Variants in SGCZ observed in about 807,000 individuals in gnomAD.
The protein encoded by SGCZ is sarcoglycan zeta.
SGCZ carries 40 observed loss-of-function variants against 41.3 expected under a neutral mutation model. The ratio of observed to expected loss-of-function variants is 0.97; its 90% CI spans 0.75 to 1.26. The LOEUF is 1.26. Ranked by LOEUF, SGCZ falls within the 50% of genes most tolerant of loss-of-function variation. The pLI, the probability that SGCZ is intolerant of heterozygous loss-of-function variation, is 0.00. For missense variants in SGCZ, 552 were observed against 369.8 expected (o/e 1.49, Z -4.04); for synonymous variants, 206 against 137.5 (o/e 1.50, Z -3.49).
At chr8:15,131,996 C>T (rs1263981490) in intron 1 of SGCZ, among the ~76,000 whole-genome samples, 2 of 152,186 alleles carry the variant, frequency 1.3e-5, no homozygotes, top group Admixed American at 6.5e-5. Flanking sequence ...AGCAATTTAA[C>T]ACCTTCCAGC....
chr8:14,323,502 G>A (rs1489989068), intron 3 of SGCZ, among the ~76,000 whole-genome samples: 2 of 152,012 alleles, frequency 1.3e-5, no homozygotes, highest in Non-Finnish European at 2.9e-5. Flanking sequence ...ACTGCCTTCT[G>A]AGAGGTAATG....
intron 2 of SGCZ, among the ~76,000 whole-genome samples, chr8:14,470,011 G>A (rs1801169212): frequency 6.6e-6 from 1 of 152,134 alleles, no homozygotes; most frequent in African/African-American, 2.4e-5. Context: ...GGGAACCCCA[G>A]CTTGAAGCTG....
intron 1 of SGCZ, among the ~76,000 whole-genome samples, chr8:14,855,076 C>T (rs527523235): frequency 4.6e-5 from 7 of 151,602 alleles, no homozygotes; most frequent in African/African-American, 7.3e-5. Flanking sequence ...TATTTAGAGA[C>T]GGAGTCTTGC....
intron 1 of SGCZ, among the ~76,000 whole-genome samples, chr8:14,937,372 G>T (rs1029505890): frequency 1.3e-5 from 2 of 151,982 alleles, no homozygotes; most frequent in African/African-American, 4.8e-5. Flanking sequence ...TAGCAATTTT[G>T]AAGTTTTAAT....
chr8:15,112,704 C>G (rs1420882121), intron 1 of SGCZ, among the ~76,000 whole-genome samples: 1 of 152,164 alleles, frequency 6.6e-6, no homozygotes, highest in African/African-American at 2.4e-5. Context: ...AGGTTCCCAG[C>G]CCACATCCTC....
chr8:14,735,812 G>A (rs1799011719), intron 1 of SGCZ, among the ~76,000 whole-genome samples: 1 of 151,988 alleles, frequency 6.6e-6, no homozygotes, highest in Admixed American at 6.6e-5. Context: ...CACAAATAAT[G>A]GAAAATTGTA....
At chr8:14,835,468 G>C (rs2130612557) in intron 1 of SGCZ, among the ~76,000 whole-genome samples, 1 of 152,244 alleles carries the variant, frequency 6.6e-6, no homozygotes, top group African/African-American at 2.4e-5. Context: ...ACTAAACTGT[G>C]TTTTGGAATT....
intron 1 of SGCZ, among the ~76,000 whole-genome samples, chr8:15,223,356 G>T (rs2117189473): frequency 6.6e-6 from 1 of 152,284 alleles, no homozygotes; most frequent in East Asian, 1.9e-4. Context: ...CACTTCAAAA[G>T]TTGGCTTCAG....
At chr8:14,712,765 C>A (rs1323471812) in intron 1 of SGCZ, among the ~76,000 whole-genome samples, 2 of 152,142 alleles carry the variant, frequency 1.3e-5, no homozygotes, top group Admixed American at 6.5e-5. Context: ...GACGCAACAT[C>A]TCTTCCTGTA....
intron 3 of SGCZ, among the ~76,000 whole-genome samples, chr8:14,272,157 C>A (rs866554251): frequency 8.5e-5 from 13 of 152,152 alleles, no homozygotes; most frequent in Non-Finnish European, 1.3e-4. Flanking sequence ...GTGCCTGCCA[C>A]CATGCCCAGC....
chr8:14,213,885 T>G (rs1026438868), intron 4 of SGCZ, among the ~76,000 whole-genome samples: 1 of 152,152 alleles, frequency 6.6e-6, no homozygotes, highest in Non-Finnish European at 1.5e-5. Context: ...ATGTACATAC[T>G]AGTTTTATAA....
chr8:14,115,178 C>G (rs183270239), intron 5 of SGCZ, among the ~76,000 whole-genome samples: 2 of 152,016 alleles, frequency 1.3e-5, no homozygotes, highest in Admixed American at 6.6e-5. Context: ...TTGTTTTGCC[C>G]TTTACTTAAA....
At chr8:14,190,495 T>G (rs1030717986) in intron 4 of SGCZ, among the ~76,000 whole-genome samples, 1 of 152,174 alleles carries the variant, frequency 6.6e-6, no homozygotes, top group African/African-American at 2.4e-5. Context: ...TGAATACTGG[T>G]GCAATGGACA....
At chr8:15,012,616 T>G (rs891463019) in intron 1 of SGCZ, among the ~76,000 whole-genome samples, 1 of 135,780 alleles carries the variant, frequency 7.4e-6, no homozygotes, top group Non-Finnish European at 1.6e-5. Flanking sequence ...AATACATATA[T>G]GTTTATATAA....
intron 1 of SGCZ, among the ~76,000 whole-genome samples, chr8:14,811,698 G>C (rs529916267): frequency 1.3e-5 from 2 of 151,650 alleles, no homozygotes; most frequent in Middle Eastern, 3.4e-3. Flanking sequence ...CAAAAGCACA[G>C]GTTCTGACTA....
intron 2 of SGCZ, among the ~76,000 whole-genome samples, chr8:14,548,503 A>G (rs996606488): frequency 6.6e-5 from 10 of 152,164 alleles, no homozygotes; most frequent in African/African-American, 2.4e-4. Context: ...GAATGCTTAC[A>G]GGTAAAAGCA....
chr8:14,161,737 A>C (rs1399656268), intron 5 of SGCZ, among the ~76,000 whole-genome samples: 2 of 152,208 alleles, frequency 1.3e-5, no homozygotes, highest in African/African-American at 2.4e-5. Context: ...GATAATTGGA[A>C]AATATAGATC....
intron 1 of SGCZ, among the ~76,000 whole-genome samples, chr8:14,877,676 A>G (rs1804414338): frequency 6.6e-6 from 1 of 152,148 alleles, no homozygotes; most frequent in Admixed American, 6.6e-5. Context: ...GTCAAACACA[A>G]ATGTACATCT....
chr8:14,084,923 A>G lies in SGCZ; in HGVS notation c.*5520T>C, dbSNP rs1453355766. On this transcript the variant is annotated 3_prime_UTR_variant, in exon 8 of 8. Coordinates refer to ENST00000382080, the MANE Select transcript of SGCZ (RefSeq NM_139167.4). ...AGCACCAAAATTAGGACAAATTACA[A>G]GAATCACAGGAGAGATCTTAAATTA... is the stretch of plus-strand genomic sequence containing the variant. 2.6e-5 allele frequency among the ~76,000 whole-genome samples: 4 copies of G among 151,866 alleles called. No individual in the cohort carries two copies. The highest frequency in any genetic ancestry group is 7.2e-5 in the African/African-American group (3 of 41,420).
Sources: gnomAD v4.1 joint callset for allele counts (sites outside exome capture counted in the v4.1 genomes callset) on GRCh38, gnomAD v4.1.1 for gene constraint, MANE v1.5 for transcripts, NCBI Gene and HGNC (gene_info 2026-07-23, HGNC 2026-07-21) for gene names.